Variants in CDC14A observed in about 807,000 individuals in gnomAD.
CDC14A encodes cell division cycle 14A, also known as dual specificity protein phosphatase CDC14A.
Under a neutral mutation model 74.4 loss-of-function variants are expected in CDC14A, and 53 were observed. The ratio of observed to expected loss-of-function variants is 0.71; its 90% CI spans 0.57 to 0.89. The LOEUF is 0.89. Ranked by LOEUF, CDC14A falls within the 40% of genes least tolerant of loss-of-function variation. CDC14A has a pLI of 0.00. For missense variants in CDC14A, 646 were observed against 713.7 expected, an observed-to-expected ratio of 0.91 and a Z score of 1.08; for synonymous variants, 247 against 258.4, an observed-to-expected ratio of 0.96 and a Z score of 0.43.
At chr1:100,494,171 G>A (rs1571337230) in intron 11 of CDC14A, among the ~76,000 whole-genome samples, 2 of 152,078 alleles carry the variant, frequency 1.3e-5, no homozygotes, top group Non-Finnish European at 2.9e-5. Flanking sequence ...TTTTTTCATC[G>A]ATAATAAGGG....
intron 9 of CDC14A, among the ~76,000 whole-genome samples, chr1:100,467,420 C>T (rs997593724): frequency 4.2e-5 from 5 of 118,954 alleles, no homozygotes; most frequent in African/African-American, 1.5e-4. Context: ...CACACACACA[C>T]GCATATGCAC....
chr1:100,402,317 T>C (rs959224491), intron 4 of CDC14A, among the ~76,000 whole-genome samples: 3 of 152,132 alleles, frequency 2.0e-5, no homozygotes, highest in East Asian at 1.9e-4. Flanking sequence ...TATACAAATA[T>C]CTGAACAGAG....
intron 7 of CDC14A, among the ~76,000 whole-genome samples, chr1:100,444,640 C>G (rs183549391): frequency 6.6e-6 from 1 of 152,110 alleles, no homozygotes; most frequent in African/African-American, 2.4e-5. Context: ...TTTAACCTCC[C>G]GCTCCTCCAT....
chr1:100,382,149 A>G (rs1656204564), intron 3 of CDC14A, among the ~76,000 whole-genome samples: 1 of 151,874 alleles, frequency 6.6e-6, no homozygotes, highest in African/African-American at 2.4e-5. Flanking sequence ...CTGAAAAAGA[A>G]GACTTTACTA....
At chr1:100,448,470 C>T (rs1665789423) in intron 7 of CDC14A, among the ~76,000 whole-genome samples, 1 of 152,340 alleles carries the variant, frequency 6.6e-6, no homozygotes. Context: ...GACAGAGGCA[C>T]CTGTTACTGC....
At chr1:100,428,559 T>C (rs1663226613) in intron 5 of CDC14A, among the ~76,000 whole-genome samples, 1 of 152,184 alleles carries the variant, frequency 6.6e-6, no homozygotes, top group Non-Finnish European at 1.5e-5. Flanking sequence ...AGTGTACTAC[T>C]AAATTATAGT....
At chr1:100,427,259 G>A (rs974593019) in intron 5 of CDC14A, among the ~76,000 whole-genome samples, 3 of 152,100 alleles carry the variant, frequency 2.0e-5, no homozygotes, top group African/African-American at 7.2e-5. Flanking sequence ...CTATTTGGAT[G>A]TAATTGTTTT....
chr1:100,435,748 C>T (rs377668626), intron 5 of CDC14A, among the ~76,000 whole-genome samples: 5 of 150,202 alleles, frequency 3.3e-5, no homozygotes, highest in Admixed American at 1.3e-4. Flanking sequence ...CGCTTGAACC[C>T]GGGAGGCAGA....
At chr1:100,467,919 G>C in intron 9 of CDC14A, 37 bp from the exon 10 acceptor site, 8 of 1,538,948 alleles carry the variant, frequency 5.2e-6, no homozygotes, top group Non-Finnish European at 7.0e-6. Context: ...GCATTTGCTA[G>C]ACTTTATATT....
intron 7 of CDC14A, among the ~76,000 whole-genome samples, chr1:100,446,175 G>T (rs1331654055): frequency 1.3e-5 from 2 of 152,148 alleles, no homozygotes; most frequent in Non-Finnish European, 2.9e-5. Flanking sequence ...ACAGCAATTT[G>T]TGAGACTGTA....
chr1:100,408,943 C>G (rs1441552190), intron 4 of CDC14A, among the ~76,000 whole-genome samples: 1 of 152,144 alleles, frequency 6.6e-6, no homozygotes, highest in Non-Finnish European at 1.5e-5. Flanking sequence ...AGAACTTACC[C>G]TATCTATTAA....
intron 2 of CDC14A, among the ~76,000 whole-genome samples, chr1:100,364,491 C>A (rs1045855269): frequency 7.2e-6 from 1 of 139,636 alleles, no homozygotes; most frequent in Admixed American, 6.8e-5. Flanking sequence ...GGATTACAGG[C>A]GGAGCCGTTG....
chr1:100,489,292 T>C (rs973902318), intron 11 of CDC14A, among the ~76,000 whole-genome samples: 2 of 152,200 alleles, frequency 1.3e-5, no homozygotes, highest in Non-Finnish European at 2.9e-5. Context: ...CTTGGACTTC[T>C]ATTTTTACTC....
In CDC14A at chr1:100,424,313, G is replaced by T. The variant is rs1662699294; in HGVS notation, c.389+12G>T. 3 of 1,601,372 alleles carry T rather than the reference G, an allele frequency of 1.9e-6. No individual in the cohort carries two copies. The highest frequency in any genetic ancestry group is 2.6e-6 in the Non-Finnish European group (3 of 1,168,554). On this transcript the variant is annotated intron_variant, in intron 5 of 15. Coordinates refer to ENST00000336454, the MANE Select transcript of CDC14A (RefSeq NM_003672.4). ...TATCTTCCATTCAGGTATAACTCCTGGTGAGACTTGGGTTAAACTTTTGCT... is the reference window on the plus strand; with the variant it reads ...TATCTTCCATTCAGGTATAACTCCTTGTGAGACTTGGGTTAAACTTTTGCT...
chr1:100,458,816 A>T (rs1666990476), intron 8 of CDC14A, among the ~76,000 whole-genome samples: 1 of 152,140 alleles, frequency 6.6e-6, no homozygotes, highest in Non-Finnish European at 1.5e-5. Context: ...GAGGTAGCTA[A>T]AGGAAGCTCT....
intron 5 of CDC14A, among the ~76,000 whole-genome samples, chr1:100,437,020 T>TA (rs1486431640): frequency 6.6e-6 from 1 of 152,114 alleles, no homozygotes; most frequent in Admixed American, 6.5e-5. Context: ...ACCCTGGCTC[T>TA]ACGAAAAATA....
At chr1:100,347,680 A>G (rs902203144), upstream of CDC14A, among the ~76,000 whole-genome samples, 2 of 152,226 alleles carry the variant, frequency 1.3e-5, no homozygotes, top group African/African-American at 2.4e-5. Flanking sequence ...AATTGTCAAA[A>G]TATGTATATG....
rs1648346397 is a variant in CDC14A, at chr1:100,499,046, T to C, written c.1539T>C (p.Phe513=). 6.2e-7 allele frequency: 1 copy of C among 1,614,032 alleles called. No homozygotes were observed. The highest frequency in any genetic ancestry group is 1.1e-5 in the South Asian group (1 of 91,082). Residue 513 remains phenylalanine (F), a synonymous_variant, in exon 15 of 16, where the codon TTT becomes TTC. Coordinates refer to ENST00000336454, the MANE Select transcript of CDC14A (RefSeq NM_003672.4). ...AGGCAGGCTTCACAGCCAGCCCGTT[T>C]ACCAACCTCTTGAATGGCAGCTCCC... The part of the protein sequence containing the change: ...SSKAGFTASP[F]TNLLNGSSQP...
chr1:100,440,075 A>G (rs1664760619), intron 6 of CDC14A, 77 bp downstream of exon 6: 1 of 1,083,954 alleles, frequency 9.2e-7, no homozygotes, highest in Admixed American at 1.8e-5. Flanking sequence ...CAACATCCTT[A>G]TTTGTTATTG....
Sources: allele counts gnomAD v4.1 joint callset (sites outside exome capture counted in the v4.1 genomes callset), GRCh38; gene constraint gnomAD v4.1.1; transcripts MANE v1.5; gene names NCBI Gene and HGNC (gene_info 2026-07-23, HGNC 2026-07-21).